MAOA: variants seen among roughly 807,000 people sequenced by gnomAD.
MAOA encodes amine oxidase [flavin-containing] A.
Under a neutral mutation model 42.0 loss-of-function variants are expected in MAOA, and 6 were observed. That is an observed-to-expected ratio of 0.14 (90% CI 0.08 to 0.28). The LOEUF (loss-of-function observed/expected upper bound fraction) is 0.28, where lower values mean the gene tolerates loss of function less well. Among genes scored for constraint, MAOA ranks in the 10% least tolerant of loss-of-function variants. The pLI, the probability that MAOA is intolerant of heterozygous loss-of-function variation, is 1.00. For missense variants in MAOA, 262 were observed against 422.3 expected (o/e 0.62, Z 3.33); for synonymous variants, 140 against 154.0 (o/e 0.91, Z 0.67).
chrX:43,673,805 C>G (rs2033360690), intron 1 of MAOA, among the ~76,000 whole-genome samples: 1 of 111,967 alleles, frequency 8.9e-6, no homozygotes, highest in Non-Finnish European at 1.9e-5. Flanking sequence ...ACTGTGGTCT[C>G]AGAGACAGTT....
intron 1 of MAOA, among the ~76,000 whole-genome samples, chrX:43,681,205 G>GT (rs1356080890): frequency 1.8e-5 from 2 of 111,618 alleles, no homozygotes; most frequent in Non-Finnish European, 3.8e-5. Context: ...AAACAACACT[G>GT]TAAGTGTTGG....
At chrX:43,669,278 C>T (rs1161635811) in intron 1 of MAOA, among the ~76,000 whole-genome samples, 2 of 106,810 alleles carry the variant, frequency 1.9e-5, no homozygotes, top group South Asian at 4.1e-4. Flanking sequence ...AATACCCTGG[C>T]GTGGTGGTGT....
intron 9 of MAOA, among the ~76,000 whole-genome samples, chrX:43,734,528 T>C (rs2033906451): frequency 8.9e-6 from 1 of 111,806 alleles, no homozygotes; most frequent in African/African-American, 3.3e-5. Context: ...GATATTCTAA[T>C]CTCTTTCATC....
At chrX:43,660,274 G>C (rs2147068697) in intron 1 of MAOA, among the ~76,000 whole-genome samples, 1 of 111,328 alleles carries the variant, frequency 9.0e-6, no homozygotes, top group South Asian at 3.8e-4. Context: ...ACCTGGTTAT[G>C]ACCCCCTTCC....
At chrX:43,722,885 AATTTC>A (rs1380598988) in intron 5 of MAOA, among the ~76,000 whole-genome samples, 4 of 111,977 alleles carry the variant, frequency 3.6e-5, no homozygotes, top group African/African-American at 1.3e-4. Context: ...GAAGGGATCC[AATTTC>A]AGCTTTCTGC....
In MAOA at chrX:43,664,202, A is replaced by G. The variant is rs1438702205; in HGVS notation, c.73+7788A>G. Among the ~76,000 whole-genome samples, 3 of 112,316 alleles carry G rather than the reference A, an allele frequency of 2.7e-5. No individual in the cohort carries two copies. The East Asian group carries it at 8.4e-4, about 31-fold the overall frequency. ...TCAGGCTGGACACGAAGGCACCTAC[A>G]TTTGCTATATTAGCTCTATGATAAC... On this transcript the variant is annotated intron_variant, in intron 1 of 14. Transcript: ENST00000338702.
chrX:43,729,410 G>A (rs1167869645), intron 6 of MAOA, among the ~76,000 whole-genome samples: 2 of 111,923 alleles, frequency 1.8e-5, no homozygotes, highest in Non-Finnish European at 3.8e-5. Flanking sequence ...TCAAACCATG[G>A]TCACAATATT....
chrX:43,744,094 G>A lies in MAOA; in HGVS notation c.1375-15G>A. The A allele has an allele frequency of 3.3e-6, 4 of 1,207,051 alleles. No individual in the cohort carries two copies. Among genetic ancestry groups the A allele is most frequent in the Non-Finnish European group, 4.5e-6 (4 of 891,618 alleles). ...TACAGCCTCTTTTCATAATACCATG[G>A]TGACTTTCTTTCAGGTCTTAAATGG... On this transcript the variant is annotated splice_polypyrimidine_tract_variant and intron_variant, in intron 13 of 14. Transcript: ENST00000338702.
At chrX:43,711,627 A>G (rs2033700288) in intron 3 of MAOA, among the ~76,000 whole-genome samples, 1 of 111,881 alleles carries the variant, frequency 8.9e-6, no homozygotes, top group South Asian at 3.7e-4. Context: ...ATAAATTTAA[A>G]GCTATTATTT....
chrX:43,696,465 C>G lies in MAOA; in HGVS notation c.306+3037C>G, dbSNP rs866454150. Among the ~76,000 whole-genome samples the G allele has an allele frequency of 2.0e-4, 22 of 112,394 alleles. No homozygotes were observed. In the Middle Eastern group the frequency reaches 0.014, roughly 71 times the overall value. ...AAAAAAGAGGCTAGGCGCGGTGGCTCATGCCTGTAATCCCAGCACTTTGGG... is the reference window on the plus strand; with the variant it reads ...AAAAAAGAGGCTAGGCGCGGTGGCTGATGCCTGTAATCCCAGCACTTTGGG... On this transcript the variant is annotated intron_variant, in intron 3 of 14. Transcript: ENST00000338702.
At chrX:43,720,654 GGAT>G (rs759521962) in intron 5 of MAOA, among the ~76,000 whole-genome samples, 78 of 109,740 alleles carry the variant, frequency 7.1e-4, no homozygotes, top group African/African-American at 2.2e-3. Context: ...GGTGTAGAGA[GGAT>G]GATATCTGCC....
At chrX:43,731,491 C>T (rs2033880159) in intron 7 of MAOA, 101 bp downstream of exon 7, 3 of 969,503 alleles carry the variant, frequency 3.1e-6, no homozygotes, top group African/African-American at 1.9e-5. Flanking sequence ...TTAATGCTGA[C>T]ATGTTTCCGC....
chrX:43,661,696 G>T (rs1214473996), intron 1 of MAOA, among the ~76,000 whole-genome samples: 1 of 111,644 alleles, frequency 9.0e-6, no homozygotes, highest in African/African-American at 3.3e-5. Flanking sequence ...TGGTTAGCGA[G>T]CGCACAGTGA....
chrX:43,733,388 G>A (rs1349760963), intron 9 of MAOA, among the ~76,000 whole-genome samples: 4 of 111,211 alleles, frequency 3.6e-5, no homozygotes, highest in Admixed American at 9.5e-5. Flanking sequence ...TAAAGTGTGC[G>A]GATGACCCAG....
intron 3 of MAOA, among the ~76,000 whole-genome samples, chrX:43,710,736 C>T (rs183113070): frequency 1.9e-3 from 214 of 112,090 alleles, no homozygotes; most frequent in African/African-American, 6.7e-3. Flanking sequence ...CTTCTCTTAG[C>T]ACTTTGGCTG....
chrX:43,680,217 C>T (rs2033432022), intron 1 of MAOA, among the ~76,000 whole-genome samples: 2 of 111,422 alleles, frequency 1.8e-5, no homozygotes, highest in South Asian at 7.5e-4. Context: ...TAGACCCAAA[C>T]TCATCCTTGA....
chrX:43,693,150 T>A (rs1335752680), intron 2 of MAOA, 141 bp from the exon 3 acceptor site: 5 of 547,622 alleles, frequency 9.1e-6, no homozygotes, highest in Non-Finnish European at 1.5e-5. Flanking sequence ...TGAGGAAAGA[T>A]TGCCATTTTC....
chrX:43,664,218 C>G (rs1012473732), intron 1 of MAOA, among the ~76,000 whole-genome samples: 1 of 111,850 alleles, frequency 8.9e-6, no homozygotes, highest in African/African-American at 3.2e-5. Context: ...TATATTAGCT[C>G]TATGATAACT....
intron 10 of MAOA, among the ~76,000 whole-genome samples, chrX:43,738,082 T>G (rs1426724683): frequency 8.9e-6 from 1 of 112,111 alleles, no homozygotes; most frequent in Non-Finnish European, 1.9e-5. Flanking sequence ...ACCTATAGAT[T>G]GTGATTGAGT....
Sources: gnomAD v4.1 joint callset for allele counts (sites outside exome capture counted in the v4.1 genomes callset) on GRCh38, gnomAD v4.1.1 for gene constraint, MANE v1.5 for transcripts, NCBI Gene and HGNC (gene_info 2026-07-23, HGNC 2026-07-21) for gene names.